The following FAM76A variants were observed in gnomAD, a reference collection of about 807,000 sequenced individuals.
The protein encoded by FAM76A is family with sequence similarity 76 member A.
FAM76A carries 32 observed loss-of-function variants against 46.2 expected under a neutral mutation model. The observed-to-expected ratio is 0.69, with a 90% CI of 0.52 to 0.93. FAM76A has a LOEUF of 0.93. Ranked by LOEUF, FAM76A falls within the 40% of genes least tolerant of loss-of-function variation. The pLI is 0.00. For missense variants in FAM76A, 274 were observed against 361.5 expected, an observed-to-expected ratio of 0.76 and a Z score of 1.96; for synonymous variants, 137 against 127.0, an observed-to-expected ratio of 1.08 and a Z score of -0.53.
chr1:27,755,341 G>A lies in FAM76A; in HGVS notation c.735+11G>A. 1 of 1,613,954 alleles carries A rather than the reference G, an allele frequency of 6.2e-7. No homozygotes were observed. The highest frequency in any genetic ancestry group is 1.3e-5 in the African/African-American group (1 of 75,034). ...GAGAAAGAGAAGAAGGTATGGTTTA[G>A]TTAATTCCTCTCTGACCAGAATGAT... On this transcript the variant is annotated intron_variant, in intron 7 of 8. Transcript: ENST00000373954.
At chr1:27,726,227 C>T in intron 1 of FAM76A, 66 bp downstream of exon 1, 1 of 1,212,492 alleles carries the variant, frequency 8.2e-7, no homozygotes, top group Non-Finnish European at 1.0e-6. Context: ...GCTCCAGATT[C>T]TGTGGGGACG....
intron 1 of FAM76A, among the ~76,000 whole-genome samples, chr1:27,726,932 C>A (rs117500972): frequency 6.6e-6 from 1 of 152,234 alleles, no homozygotes; most frequent in East Asian, 1.9e-4. Context: ...TTGAGGTTAT[C>A]CAATAATCCA....
At chr1:27,736,147 C>G (rs149765027) in intron 4 of FAM76A, among the ~76,000 whole-genome samples, 167 of 152,112 alleles carry the variant, frequency 1.1e-3, no homozygotes, top group African/African-American at 3.6e-3. Context: ...TGATGAAACC[C>G]CGTCTCTACC....
chr1:27,761,496 G>A lies in FAM76A; in HGVS notation c.*915G>A, dbSNP rs2088509877. ...TAAGGGCAGAAAGCAAGGTTGTCCA[G>A]GTTGTACTGGACACTTCTCTCCCCA... On this transcript the variant is annotated 3_prime_UTR_variant, in exon 9 of 9. Transcript: ENST00000373954. 1.3e-5 allele frequency: 2 copies of A among 152,572 alleles called. No individual in the cohort carries two copies. The highest frequency in any genetic ancestry group is 2.9e-5 in the Non-Finnish European group (2 of 68,028). The allele number at this position is 152,572 out of a possible 1,614,324, so 9.5% of individuals were successfully genotyped here.
At chr1:27,758,936 A>G (rs1048246664) in intron 7 of FAM76A, among the ~76,000 whole-genome samples, 11 of 152,026 alleles carry the variant, frequency 7.2e-5, no homozygotes, top group African/African-American at 2.4e-4. Context: ...CAGCCATTCA[A>G]ATAATCTCTG....
chr1:27,747,315 A>C (rs781006580), intron 5 of FAM76A, among the ~76,000 whole-genome samples: 4 of 152,240 alleles, frequency 2.6e-5, no homozygotes, highest in Non-Finnish European at 4.4e-5. Context: ...ACAAGCATTC[A>C]GTATTTAAGT....
chr1:27,763,029 G>T lies in FAM76A; in HGVS notation c.*2448G>T, dbSNP rs2148591665. 1 of 152,206 alleles carries T rather than the reference G, an allele frequency of 6.6e-6. No individual in the cohort carries two copies. The highest frequency in any genetic ancestry group is 3.4e-3 in the Middle Eastern group (1 of 294). 9.4% of individuals were successfully genotyped at this position (152,206 alleles called of 1,614,324 possible). A position where few individuals can be genotyped will look rare whatever the true frequency, so the allele number is the denominator to read the frequency against. ...ACACCTTTTGTTTCTTTGTATGTTT[G>T]TAATAATGGACATTTTAAAACACAG... On this transcript the variant is annotated 3_prime_UTR_variant, in exon 9 of 9. Coordinates refer to ENST00000373954, the MANE Select transcript of FAM76A (RefSeq NM_152660.3).
chr1:27,744,506 C>G, intron 4 of FAM76A, 148 bp from the exon 5 acceptor site: 1 of 750,020 alleles, frequency 1.3e-6, no homozygotes, highest in South Asian at 1.7e-5. Context: ...TCACTAGATC[C>G]TTGTAGCAGC....
At chr1:27,732,520 C>G (rs2087976944) in intron 2 of FAM76A, 83 bp from the exon 3 acceptor site, 1 of 1,226,642 alleles carries the variant, frequency 8.2e-7, no homozygotes, top group Admixed American at 1.9e-5. Context: ...TGGCCCTTAG[C>G]AATGAGCAAA....
intron 3 of FAM76A, among the ~76,000 whole-genome samples, chr1:27,733,595 C>T (rs2087995041): frequency 6.6e-6 from 1 of 151,870 alleles, no homozygotes; most frequent in Non-Finnish European, 1.5e-5. Flanking sequence ...CACCTATAAT[C>T]CCAGCACATT....
At position 27,760,522 on chromosome 1, in the gene FAM76A, G is replaced by A. The variant is rs754765639; in HGVS notation, c.865G>A (p.Ala289Thr). The A allele has an allele frequency of 1.1e-5, 17 of 1,612,212 alleles. No individual in the cohort carries two copies. Among genetic ancestry groups the A allele is most frequent in the Admixed American group, 5.0e-5 (3 of 59,930 alleles). The change falls in exon 9 of 9, where the codon GCA (alanine) becomes ACA (threonine). Residue 289 changes from alanine (A) to threonine (T), a missense_variant. Coordinates refer to ENST00000373954, the MANE Select transcript of FAM76A (RefSeq NM_152660.3). ...CAAAAACCGAGAGCTCCTGAAGCAG[G>A]CAGCTGCTTTGTCCAAGAGCAAGAA... ...QAKNRELLKQ[A>T]AALSKSKKSE...
chr1:27,728,945 CG>C (rs778060285), intron 2 of FAM76A, among the ~76,000 whole-genome samples: 75 of 148,692 alleles, frequency 5.0e-4, no homozygotes, highest in Non-Finnish European at 6.7e-4. Flanking sequence ...GCCTGGGTGA[CG>C]GGGGGAAACT....
At chr1:27,759,775 T>G (rs930068605) in intron 8 of FAM76A, 148 bp downstream of exon 8, 43 of 619,962 alleles carry the variant, frequency 6.9e-5, no homozygotes, top group Middle Eastern at 4.4e-4. Flanking sequence ...GGTTTTTTTT[T>G]TTTGTTTTTT....
At chr1:27,759,045 T>C (rs923033357) in intron 7 of FAM76A, among the ~76,000 whole-genome samples, 4 of 152,110 alleles carry the variant, frequency 2.6e-5, no homozygotes, top group African/African-American at 9.7e-5. Flanking sequence ...AAAGCTCAGC[T>C]CACACATCAC....
chr1:27,744,416 C>A (rs994695961), intron 4 of FAM76A, among the ~76,000 whole-genome samples: 1 of 152,126 alleles, frequency 6.6e-6, no homozygotes, highest in Non-Finnish European at 1.5e-5. Context: ...TATGAGCCAC[C>A]GCGCCCGGCC....
At position 27,761,638 on chromosome 1, in the gene FAM76A, TG is replaced by T. The variant is rs1166267357; in HGVS notation, c.*1058del. 2 of 152,752 alleles carry T rather than the reference TG, an allele frequency of 1.3e-5. No homozygotes were observed. The highest frequency in any genetic ancestry group is 4.8e-5 in the African/African-American group (2 of 41,576). The allele number at this position is 152,752 out of a possible 1,614,324, so 9.5% of individuals were successfully genotyped here. A position where few individuals can be genotyped will look rare whatever the true frequency, so the allele number is the denominator to read the frequency against. ...GTCATACTGGGCTGCTGTCAGAGAA[TG>T]TTTTTTTACATGAATGAACAGATTA... On this transcript the variant is annotated 3_prime_UTR_variant, in exon 9 of 9. Coordinates refer to ENST00000373954, the MANE Select transcript of FAM76A (RefSeq NM_152660.3).
At chr1:27,727,183 G>A (rs1001600327) in intron 1 of FAM76A, among the ~76,000 whole-genome samples, 1 of 152,134 alleles carries the variant, frequency 6.6e-6, no homozygotes, top group African/African-American at 2.4e-5. Context: ...GAAGAACCAG[G>A]CCTGGAATTC....
At chr1:27,751,590 G>A (rs567931713) in intron 6 of FAM76A, among the ~76,000 whole-genome samples, 10 of 149,828 alleles carry the variant, frequency 6.7e-5, no homozygotes, top group African/African-American at 2.0e-4. Context: ...CTGCAGCCTC[G>A]ACCTCCTGGG....
At chr1:27,726,993 G>A (rs929157976) in intron 1 of FAM76A, among the ~76,000 whole-genome samples, 1 of 152,070 alleles carries the variant, frequency 6.6e-6, no homozygotes, top group Non-Finnish European at 1.5e-5. Flanking sequence ...TGCCTCAGAT[G>A]GTCATGACTT....
Sources: gnomAD v4.1 joint callset for allele counts (sites outside exome capture counted in the v4.1 genomes callset) on GRCh38, gnomAD v4.1.1 for gene constraint, MANE v1.5 for transcripts, NCBI Gene and HGNC (gene_info 2026-07-23, HGNC 2026-07-21) for gene names.